STX18: variants seen among roughly 807,000 people sequenced by gnomAD.
STX18 encodes syntaxin 18, also known as syntaxin-18.
Under a neutral mutation model 50.1 loss-of-function variants are expected in STX18, and 40 were observed. The ratio of observed to expected loss-of-function variants is 0.80; its 90% CI spans 0.62 to 1.04. The LOEUF (loss-of-function observed/expected upper bound fraction) is 1.04, where lower values mean the gene tolerates loss of function less well. Among genes scored for constraint, STX18 ranks in the 50% least tolerant of loss-of-function variants. The pLI is 0.00. For missense variants in STX18, 410 were observed against 415.8 expected (o/e 0.99, Z 0.12); for synonymous variants, 158 against 151.8 (o/e 1.04, Z -0.30).
intron 7 of STX18, among the ~76,000 whole-genome samples, chr4:4,430,386 T>C (rs996053098): frequency 2.6e-5 from 4 of 152,240 alleles, no homozygotes; most frequent in African/African-American, 9.6e-5. Context: ...AGTCAGACTA[T>C]AAGATATGGT....
At chr4:4,478,922 C>T (rs1728326875) in intron 1 of STX18, 1 of 152,744 alleles carries the variant, frequency 6.5e-6, no homozygotes, top group Non-Finnish European at 1.5e-5. Flanking sequence ...AGGTTCTCCA[C>T]TTGGCTTTTT....
chr4:4,439,601 A>G (rs1286992644), intron 5 of STX18, among the ~76,000 whole-genome samples: 2 of 145,046 alleles, frequency 1.4e-5, no homozygotes, highest in South Asian at 4.6e-4. Context: ...ACCCCCACAC[A>G]CATACCCCCC....
chr4:4,474,347 A>G (rs1248537262), intron 1 of STX18, among the ~76,000 whole-genome samples: 2 of 152,134 alleles, frequency 1.3e-5, no homozygotes, highest in African/African-American at 4.8e-5. Flanking sequence ...AGTTTCTGGC[A>G]CAAAGCAGAC....
chr4:4,444,164 C>T (rs1387204748), intron 5 of STX18, among the ~76,000 whole-genome samples: 1 of 152,158 alleles, frequency 6.6e-6, no homozygotes, highest in Non-Finnish European at 1.5e-5. Context: ...GGGAGGGTGG[C>T]TAAGTGAAGG....
In STX18 at chr4:4,438,455, C is replaced by T. The variant is rs770827643; in HGVS notation, c.552G>A (p.Glu184=). ...NTKTRESTSS[E]KVSQSPSKDS... is the part of the protein sequence containing the mutation. ...CTTTTGAAGGACTCTGTGAAACTTT[C>T]TCAGAAGATGTGGATTCTCTTGTCT... Residue 184 remains glutamate (E), a synonymous_variant, in exon 6 of 11, where the codon GAG becomes GAA. Transcript: ENST00000306200. The T allele has an allele frequency of 1.2e-6, 2 of 1,613,920 alleles. No individual in the cohort carries two copies. The highest frequency in any genetic ancestry group is 1.7e-5 in the Admixed American group (1 of 60,010).
At chr4:4,465,372 T>C (rs1349687319) in intron 2 of STX18, among the ~76,000 whole-genome samples, 9 of 152,196 alleles carry the variant, frequency 5.9e-5, no homozygotes, top group South Asian at 4.1e-4. Context: ...CAATGAATGA[T>C]AGACTGGATC....
chr4:4,432,950 C>T (rs1006594586), intron 7 of STX18, among the ~76,000 whole-genome samples: 2 of 152,182 alleles, frequency 1.3e-5, no homozygotes, highest in Admixed American at 1.3e-4. Flanking sequence ...CTTCGGTGGG[C>T]CGGCGCGGCT....
chr4:4,421,020 TTTCC>T, intron 9 of STX18, 76 bp from the exon 10 acceptor site: 8 of 1,427,498 alleles, frequency 5.6e-6, no homozygotes, highest in Non-Finnish European at 7.9e-6. Flanking sequence ...CCAACGAGCA[TTTCC>T]TTTGAGTGTC....
intron 1 of STX18, among the ~76,000 whole-genome samples, chr4:4,532,410 C>T (rs897898661): frequency 2.6e-5 from 4 of 151,854 alleles, no homozygotes; most frequent in African/African-American, 7.3e-5. Context: ...AAATCAAATA[C>T]ATTTGTGAAA....
intron 7 of STX18, among the ~76,000 whole-genome samples, chr4:4,430,737 A>G (rs1260834676): frequency 2.0e-5 from 3 of 152,322 alleles, no homozygotes; most frequent in Non-Finnish European, 2.9e-5. Flanking sequence ...ACATGGCAGT[A>G]TCCTTCTGGT....
At chr4:4,480,072 C>T (rs1468147888) in intron 1 of STX18, among the ~76,000 whole-genome samples, 1 of 152,226 alleles carries the variant, frequency 6.6e-6, no homozygotes, top group East Asian at 1.9e-4. Context: ...AGGAAATGCA[C>T]ACCTAGAGCT....
chr4:4,431,753 G>A (rs1005018473), intron 7 of STX18, among the ~76,000 whole-genome samples: 1 of 152,054 alleles, frequency 6.6e-6, no homozygotes, highest in Non-Finnish European at 1.5e-5. Flanking sequence ...GATGACCCAC[G>A]TCAGAAAGCT....
At chr4:4,541,102 T>C (rs1731565344) in intron 1 of STX18, among the ~76,000 whole-genome samples, 1 of 152,256 alleles carries the variant, frequency 6.6e-6, no homozygotes, top group Non-Finnish European at 1.5e-5. Context: ...CATTTGTTCA[T>C]TCACTCATTC....
rs373174220 is a variant in STX18, at chr4:4,499,795, A to G, written c.169-28089T>C. On this transcript the variant is annotated intron_variant, in intron 1 of 10. Transcript: ENST00000306200. ...AGAGGAACTAACTAGTAGGCACTCCAAACTGCTTGCTAAATAAAAGAATAA... is the reference window on the plus strand; with the variant it reads ...AGAGGAACTAACTAGTAGGCACTCCGAACTGCTTGCTAAATAAAAGAATAA... 1.6e-4 allele frequency among the ~76,000 whole-genome samples: 25 copies of G among 152,360 alleles called. 1 individual carries two copies. Among genetic ancestry groups the G allele is most frequent in the African/African-American group, 6.0e-4 (25 of 41,588 alleles).
chr4:4,443,685 G>A (rs1726238532), intron 5 of STX18, among the ~76,000 whole-genome samples: 1 of 152,096 alleles, frequency 6.6e-6, no homozygotes. Context: ...AGACAATAAT[G>A]TATCATGACC....
At chr4:4,529,967 A>G (rs1428984635) in intron 1 of STX18, among the ~76,000 whole-genome samples, 1 of 152,050 alleles carries the variant, frequency 6.6e-6, no homozygotes, top group African/African-American at 2.4e-5. Context: ...CAGGAAAATT[A>G]CTCCCTTTAC....
At chr4:4,426,451 A>C (rs1577310985) in intron 7 of STX18, 2 of 152,242 alleles carry the variant, frequency 1.3e-5, no homozygotes, top group Non-Finnish European at 2.9e-5. Flanking sequence ...CAAAAATACA[A>C]GGGAAACAAT....
At chr4:4,454,042 C>G (rs778523094) in intron 5 of STX18, among the ~76,000 whole-genome samples, 1 of 152,326 alleles carries the variant, frequency 6.6e-6, no homozygotes, top group African/African-American at 2.4e-5. Context: ...TTTCGCTGGA[C>G]AGAGTATAGA....
intron 1 of STX18, among the ~76,000 whole-genome samples, chr4:4,538,684 G>A (rs1187064646): frequency 6.6e-6 from 1 of 151,924 alleles, no homozygotes; most frequent in East Asian, 1.9e-4. Flanking sequence ...AGTTAAGTAG[G>A]GTATTATCAC....
Sources: allele counts gnomAD v4.1 joint callset (sites outside exome capture counted in the v4.1 genomes callset), GRCh38; gene constraint gnomAD v4.1.1; transcripts MANE v1.5; gene names NCBI Gene and HGNC (gene_info 2026-07-23, HGNC 2026-07-21).